Variants in WDR70 observed in about 807,000 individuals in gnomAD.
The protein encoded by WDR70 is WD repeat-containing protein 70.
In WDR70, 53 loss-of-function variants were observed where a neutral mutation model predicts 88.6. That is an observed-to-expected ratio of 0.60 (90% CI 0.48 to 0.75). The LOEUF is 0.75. Ranked by LOEUF, WDR70 falls within the 30% of genes least tolerant of loss-of-function variation. The probability of loss-of-function intolerance (pLI) is 0.00; values close to 1 mark genes in which losing one functional copy is unlikely to be tolerated. For synonymous variants in WDR70, 280 were observed against 270.0 expected (o/e 1.04, Z -0.36); for missense variants, 610 against 823.2 (o/e 0.74, Z 3.17).
intron 17 of WDR70, among the ~76,000 whole-genome samples, chr5:37,740,516 A>G (rs1442918581): frequency 1.3e-5 from 2 of 152,162 alleles, no homozygotes; most frequent in East Asian, 3.9e-4. Context: ...CAAACAACAC[A>G]CAGCTCTTAT....
At chr5:37,642,730 CTGA>C (rs1315893006) in intron 10 of WDR70, among the ~76,000 whole-genome samples, 1 of 152,186 alleles carries the variant, frequency 6.6e-6, no homozygotes, top group Non-Finnish European at 1.5e-5. Flanking sequence ...TTGCATTTCT[CTGA>C]TGATCAGTGA....
In WDR70 at chr5:37,489,367, T is replaced by C. The variant is rs539643876; in HGVS notation, c.840+9380T>C. ...TTGTGCATGGTGTTGGTGATGGCAG[T>C]ATAGTGGCAGGGCAACACCTGGGCT... On this transcript the variant is annotated intron_variant, in intron 8 of 17. Coordinates refer to ENST00000265107, the MANE Select transcript of WDR70 (RefSeq NM_018034.4). Among the ~76,000 whole-genome samples the C allele has an allele frequency of 1.3e-3, 197 of 152,194 alleles. 2 individuals are homozygous for C. The highest frequency in any genetic ancestry group is 4.6e-3 in the African/African-American group (191 of 41,504).
chr5:37,694,089 A>G (rs1287812048), intron 10 of WDR70, among the ~76,000 whole-genome samples: 1 of 152,238 alleles, frequency 6.6e-6, no homozygotes, highest in Non-Finnish European at 1.5e-5. Context: ...AATCAGACAC[A>G]TGAAAAAATG....
chr5:37,445,854 GA>G (rs1298149110), intron 7 of WDR70, among the ~76,000 whole-genome samples: 37 of 152,284 alleles, frequency 2.4e-4, no homozygotes, highest in African/African-American at 8.9e-4. Flanking sequence ...GCAATAACTG[GA>G]AGCATTCCCT....
At chr5:37,386,145 A>C (rs1748609012) in intron 3 of WDR70, among the ~76,000 whole-genome samples, 1 of 152,006 alleles carries the variant, frequency 6.6e-6, no homozygotes, top group Non-Finnish European at 1.5e-5. Context: ...CAATATCATC[A>C]CATCAAAAAA....
intron 5 of WDR70, among the ~76,000 whole-genome samples, chr5:37,420,584 T>G (rs965427909): frequency 2.0e-5 from 3 of 152,062 alleles, no homozygotes; most frequent in African/African-American, 7.2e-5. Context: ...GGAACAAAGG[T>G]GCATGCCACC....
At chr5:37,725,940 T>G (rs1747958392) in intron 16 of WDR70, among the ~76,000 whole-genome samples, 1 of 152,194 alleles carries the variant, frequency 6.6e-6, no homozygotes, top group Admixed American at 6.5e-5. Context: ...AATCTACCCC[T>G]GTAGCTTTAC....
At chr5:37,668,624 A>G (rs1745931744) in intron 10 of WDR70, among the ~76,000 whole-genome samples, 1 of 152,224 alleles carries the variant, frequency 6.6e-6, no homozygotes, top group Non-Finnish European at 1.5e-5. Context: ...TCAAGTTGCA[A>G]GCACACAGGG....
chr5:37,482,062 T>C (rs1011401615), intron 8 of WDR70, among the ~76,000 whole-genome samples: 7 of 152,208 alleles, frequency 4.6e-5, no homozygotes, highest in Admixed American at 2.6e-4. Context: ...AGACCACCTC[T>C]GCCTGGACCT....
At chr5:37,472,542 T>G (rs1384006140) in intron 7 of WDR70, among the ~76,000 whole-genome samples, 1 of 152,098 alleles carries the variant, frequency 6.6e-6, no homozygotes, top group African/African-American at 2.4e-5. Flanking sequence ...TTGCCCAGGC[T>G]GGAGTGCAGT....
intron 5 of WDR70, among the ~76,000 whole-genome samples, chr5:37,419,672 G>A (rs890775184): frequency 2.6e-5 from 4 of 151,626 alleles, no homozygotes; most frequent in Admixed American, 6.6e-5. Flanking sequence ...AAAATTAACC[G>A]GGTGCGGTGG....
intron 3 of WDR70, among the ~76,000 whole-genome samples, chr5:37,383,378 G>A (rs891540295): frequency 1.3e-5 from 2 of 151,956 alleles, no homozygotes; most frequent in Non-Finnish European, 2.9e-5. Context: ...TCTTGCCTCA[G>A]CCTCCTGAGT....
chr5:37,732,595 A>G lies in WDR70; in HGVS notation c.1877+5550A>G, dbSNP rs1748178163. Reference sequence around the variant, plus strand: ...TTCACCTGCATTTTTATAATTTTTTAGCATCTGTTCTCGAGAAAAGATGCT... The same window carrying G: ...TTCACCTGCATTTTTATAATTTTTTGGCATCTGTTCTCGAGAAAAGATGCT... On this transcript the variant is annotated intron_variant, in intron 17 of 17. Transcript: ENST00000265107. Among the ~76,000 whole-genome samples the G allele has an allele frequency of 3.3e-5, 5 of 152,204 alleles. No homozygotes were observed. The South Asian group carries it at 1.0e-3, about 32-fold the overall frequency.
chr5:37,564,458 G>T (rs543248195), intron 9 of WDR70, among the ~76,000 whole-genome samples: 1 of 152,220 alleles, frequency 6.6e-6, no homozygotes, highest in East Asian at 1.9e-4. Context: ...GGAGGTTGCA[G>T]TGAGCCGAGA....
At chr5:37,381,537 G>A (rs921203649) in intron 2 of WDR70, 65 bp from the exon 3 acceptor site, 116 of 1,314,222 alleles carry the variant, frequency 8.8e-5, no homozygotes, top group Non-Finnish European at 1.3e-4. Context: ...GATCAGTATT[G>A]ATCACCTAAA....
chr5:37,474,955 ATT>A (rs1739433580), intron 7 of WDR70, among the ~76,000 whole-genome samples: 3 of 151,938 alleles, frequency 2.0e-5, no homozygotes, highest in Admixed American at 6.6e-5. Context: ...GTCTTGCTCT[ATT>A]GCCCAGGCTG....
At chr5:37,491,673 G>A (rs932638162) in intron 8 of WDR70, among the ~76,000 whole-genome samples, 6 of 152,102 alleles carry the variant, frequency 3.9e-5, no homozygotes, top group Non-Finnish European at 8.8e-5. Context: ...CAAAAAAATG[G>A]CACTTATTAT....
At chr5:37,484,560 G>A (rs1414917007) in intron 8 of WDR70, among the ~76,000 whole-genome samples, 1 of 152,028 alleles carries the variant, frequency 6.6e-6, no homozygotes, top group Non-Finnish European at 1.5e-5. Flanking sequence ...AGAGGGAGAG[G>A]GAGACCGTGG....
chr5:37,569,942 G>A (rs771672046), intron 9 of WDR70, among the ~76,000 whole-genome samples: 19 of 152,116 alleles, frequency 1.2e-4, no homozygotes, highest in Non-Finnish European at 2.5e-4. Context: ...TGTAATTATG[G>A]CTGGAAATAC....
Sources: allele counts gnomAD v4.1 joint callset (sites outside exome capture counted in the v4.1 genomes callset), GRCh38; gene constraint gnomAD v4.1.1; transcripts MANE v1.5; gene names NCBI Gene and HGNC (gene_info 2026-07-23, HGNC 2026-07-21).